The following AGL variants were observed in gnomAD, a reference collection of about 807,000 sequenced individuals.
AGL encodes the protein amylo-alpha-1,6-glucosidase and 4-alpha-glucanotransferase.
Under a neutral mutation model 199.3 loss-of-function variants are expected in AGL, and 128 were observed. The ratio of observed to expected loss-of-function variants is 0.64; its 90% CI spans 0.56 to 0.74. The LOEUF (loss-of-function observed/expected upper bound fraction) is 0.74, where lower values mean the gene tolerates loss of function less well. Ranked by LOEUF, AGL falls within the 30% of genes least tolerant of loss-of-function variation. The pLI is 0.00. For synonymous variants in AGL, 584 were observed against 594.7 expected (o/e 0.98, Z 0.26); for missense variants, 1,809 against 1,820.8 (o/e 0.99, Z 0.12).
intron 26 of AGL, 117 bp from the exon 27 acceptor site, chr1:99,902,566 C>T (rs1653925876): frequency 2.4e-6 from 2 of 828,306 alleles, no homozygotes; most frequent in Non-Finnish European, 4.1e-6. Context: ...ACCCCAATTC[C>T]TATTTCTCAC....
intron 27 of AGL, among the ~76,000 whole-genome samples, chr1:99,904,988 A>G (rs1005219289): frequency 3.9e-5 from 6 of 152,162 alleles, no homozygotes; most frequent in African/African-American, 1.4e-4. Flanking sequence ...TTCTGGGATA[A>G]ATGTCCAAGA....
intron 2 of AGL, among the ~76,000 whole-genome samples, chr1:99,859,170 A>G (rs1042112855): frequency 1.3e-5 from 2 of 152,218 alleles, no homozygotes; most frequent in Non-Finnish European, 2.9e-5. Flanking sequence ...TCTCCTAAAG[A>G]TAAATTTAGT....
chr1:99,899,004 G>T (rs1653573433), intron 25 of AGL, among the ~76,000 whole-genome samples: 1 of 152,004 alleles, frequency 6.6e-6, no homozygotes, highest in Non-Finnish European at 1.5e-5. Context: ...CAGCACTTTG[G>T]GAGCCTGAGG....
At chr1:99,855,928 C>A (rs1649380116) in intron 2 of AGL, among the ~76,000 whole-genome samples, 1 of 152,002 alleles carries the variant, frequency 6.6e-6, no homozygotes, top group South Asian at 2.1e-4. Flanking sequence ...CATAAAGGTT[C>A]TTTGATTAGA....
chr1:99,858,492 C>G (rs979857918), intron 2 of AGL, among the ~76,000 whole-genome samples: 6 of 152,108 alleles, frequency 3.9e-5, no homozygotes, highest in African/African-American at 1.4e-4. Context: ...AGGAAAGCAG[C>G]CATAGGCAAA....
At chr1:99,872,301 C>G (rs1385295607) in intron 7 of AGL, among the ~76,000 whole-genome samples, 1 of 152,110 alleles carries the variant, frequency 6.6e-6, no homozygotes, top group East Asian at 1.9e-4. Flanking sequence ...ATAAGCTGTA[C>G]TGCAGAAAAT....
chr1:99,870,197 A>G (rs918921709), intron 5 of AGL, among the ~76,000 whole-genome samples: 1 of 151,848 alleles, frequency 6.6e-6, no homozygotes, highest in Non-Finnish European at 1.5e-5. Context: ...AAGTTAGAAA[A>G]AAAAAAAGTA....
chr1:99,921,465 C>T, intron 33 of AGL, 69 bp from the exon 34 acceptor site: 1 of 1,107,600 alleles, frequency 9.0e-7, no homozygotes, highest in Non-Finnish European at 1.4e-6. Flanking sequence ...GCAAAAATCA[C>T]CAGGTCTTGC....
rs12141927 is a variant in AGL at position 99,921,305 on chromosome 1, T to C, written c.4482-229T>C. ...ATGGTAGTTTCTTCTATGTTTTTAA[T>C]ACATAAAGGGATTCCTTGTATTTAA... On this transcript the variant is annotated intron_variant, in intron 33 of 33. Transcript: ENST00000361915. Among the ~76,000 whole-genome samples, 1,160 of 152,312 alleles carry C rather than the reference T, an allele frequency of 7.6e-3. 5 individuals carry two copies. The highest frequency in any genetic ancestry group is 0.012 in the Non-Finnish European group (837 of 67,996).
intron 24 of AGL, among the ~76,000 whole-genome samples, chr1:99,894,834 A>G (rs1413803178): frequency 6.6e-6 from 1 of 152,186 alleles, no homozygotes; most frequent in African/African-American, 2.4e-5. Context: ...TACAATTTTC[A>G]ATGAATACAT....
At chr1:99,893,792 C>T (rs1337939012) in intron 24 of AGL, among the ~76,000 whole-genome samples, 6 of 152,130 alleles carry the variant, frequency 3.9e-5, no homozygotes, top group Non-Finnish European at 5.9e-5. Flanking sequence ...TTGCCTATTC[C>T]ATACTTGTAA....
Position 99,876,550 on chromosome 1 carries a change from A to G in AGL, c.1376A>G (p.Asn459Ser), listed in dbSNP as rs1651549183. 1.9e-6 allele frequency: 3 copies of G among 1,613,986 alleles called. No homozygotes were observed. The East Asian group carries it at 6.7e-5, about 36-fold the overall frequency. The change falls in exon 11 of 34, where the codon AAT becomes AGT. Residue 459 changes from asparagine to serine, a missense_variant. Transcript: ENST00000361915. The stretch of plus-strand genomic sequence containing the variant: ...AAAGCTTGTTTTCTGATGGCACACA[A>G]TGGATGGGTAATGGGAGATGATCCT... ...PNKACFLMAHNGWVMGDDPLR... is the reference protein window; with the variant it reads ...PNKACFLMAHSGWVMGDDPLR...
intron 33 of AGL, among the ~76,000 whole-genome samples, chr1:99,917,081 T>C (rs778048468): frequency 1.3e-5 from 2 of 152,174 alleles, no homozygotes; most frequent in East Asian, 1.9e-4. Flanking sequence ...TTTAAAGATA[T>C]ATCAAGAAAT....
At chr1:99,919,514 G>A (rs1655369425) in intron 33 of AGL, among the ~76,000 whole-genome samples, 1 of 152,108 alleles carries the variant, frequency 6.6e-6, no homozygotes, top group Admixed American at 6.5e-5. Flanking sequence ...CCAGATCTGA[G>A]CACATGGTGT....
At chr1:99,869,262 A>G (rs1269347579) in intron 5 of AGL, among the ~76,000 whole-genome samples, 2 of 152,220 alleles carry the variant, frequency 1.3e-5, no homozygotes, top group East Asian at 3.8e-4. Flanking sequence ...AGTTTTGAGA[A>G]TTACCAATTT....
chr1:99,890,611 A>G (rs1652807619), intron 21 of AGL, among the ~76,000 whole-genome samples: 1 of 147,942 alleles, frequency 6.8e-6, no homozygotes, highest in African/African-American at 2.5e-5. Flanking sequence ...GGAAATTCTA[A>G]TGCTTCTAAT....
At chr1:99,859,854 A>G (rs555779271) in intron 2 of AGL, among the ~76,000 whole-genome samples, 3 of 152,328 alleles carry the variant, frequency 2.0e-5, no homozygotes, top group South Asian at 2.1e-4. Flanking sequence ...ATGTCTTTTG[A>G]TAACATGATT....
chr1:99,891,117 A>G, intron 21 of AGL, 103 bp from the exon 22 acceptor site: 1 of 1,440,106 alleles, frequency 6.9e-7, no homozygotes, highest in Non-Finnish European at 9.7e-7. Flanking sequence ...ATACGTATTC[A>G]CCCCAAATCA....
intron 27 of AGL, among the ~76,000 whole-genome samples, chr1:99,906,163 C>T (rs1236115730): frequency 6.6e-6 from 1 of 152,112 alleles, no homozygotes; most frequent in African/African-American, 2.4e-5. Context: ...CCCCTGGAAC[C>T]ACTATCCTAC....
Sources: allele counts gnomAD v4.1 joint callset (sites outside exome capture counted in the v4.1 genomes callset), GRCh38; gene constraint gnomAD v4.1.1; transcripts MANE v1.5; gene names NCBI Gene and HGNC (gene_info 2026-07-23, HGNC 2026-07-21).